The following CTNNA3 variants were observed in gnomAD, a reference collection of about 807,000 sequenced individuals.
The protein encoded by CTNNA3 is catenin alpha-3.
Under a neutral mutation model 95.7 loss-of-function variants are expected in CTNNA3, and 76 were observed. The observed-to-expected ratio is 0.79, with a 90% CI of 0.66 to 0.96. The LOEUF (loss-of-function observed/expected upper bound fraction) is 0.96. CTNNA3 is among the 40% of genes least tolerant of loss of function. The pLI, the probability that CTNNA3 is intolerant of heterozygous loss-of-function variation, is 0.00. For missense variants in CTNNA3, 1,191 were observed against 1,089.8 expected (o/e 1.09, Z -1.31); for synonymous variants, 431 against 374.4 (o/e 1.15, Z -1.74).
At chr10:66,589,161 A>G (rs994230010) in intron 10 of CTNNA3, among the ~76,000 whole-genome samples, 7 of 151,698 alleles carry the variant, frequency 4.6e-5, no homozygotes, top group Non-Finnish European at 1.0e-4. Flanking sequence ...GGTTTCCTTT[A>G]TAGTTATAAG....
At chr10:67,677,751 A>G (rs1167510499) in intron 1 of CTNNA3, among the ~76,000 whole-genome samples, 1 of 152,132 alleles carries the variant, frequency 6.6e-6, no homozygotes, top group Admixed American at 6.6e-5. Flanking sequence ...AGAATGACAT[A>G]TTGTACTCTG....
intron 5 of CTNNA3, among the ~76,000 whole-genome samples, chr10:67,346,879 C>G (rs918421615): frequency 2.0e-5 from 3 of 152,024 alleles, no homozygotes; most frequent in African/African-American, 7.2e-5. Context: ...GTGCCCTCAG[C>G]TTGAGACAGC....
At chr10:66,100,665 A>G (rs2081588167) in intron 14 of CTNNA3, among the ~76,000 whole-genome samples, 1 of 152,162 alleles carries the variant, frequency 6.6e-6, no homozygotes, top group African/African-American at 2.4e-5. Flanking sequence ...AATTCTTAAG[A>G]TTCAGAATCA....
intron 10 of CTNNA3, among the ~76,000 whole-genome samples, chr10:66,524,103 TC>T (rs1175869987): frequency 1.7e-5 from 1 of 60,550 alleles, no homozygotes; most frequent in African/African-American, 5.3e-5. Flanking sequence ...CCTTGCTCCA[TC>T]CCTTTTTCTG....
At chr10:66,404,469 T>C (rs138208152) in intron 11 of CTNNA3, among the ~76,000 whole-genome samples, 3,006 of 152,288 alleles carry the variant, frequency 0.02, 46 homozygotes, top group South Asian at 0.041. Context: ...TGAGATTCTA[T>C]TGTGTGCTGG....
At chr10:67,010,674 T>C (rs1003454300) in intron 7 of CTNNA3, among the ~76,000 whole-genome samples, 2 of 152,318 alleles carry the variant, frequency 1.3e-5, no homozygotes, top group Non-Finnish European at 2.9e-5. Flanking sequence ...CTAGGAATTT[T>C]CCAATGCTTT....
At chr10:66,425,460 A>T (rs12776592) in intron 11 of CTNNA3, among the ~76,000 whole-genome samples, 1 of 151,364 alleles carries the variant, frequency 6.6e-6, no homozygotes, top group African/African-American at 2.4e-5. Context: ...CCTTTTATTA[A>T]TTGTGTAACT....
In CTNNA3 at chr10:66,560,269, C is replaced by T. The variant is rs139549513; in HGVS notation, c.1375-39496G>A. On this transcript the variant is annotated intron_variant, in intron 10 of 17. Coordinates refer to ENST00000433211, the MANE Select transcript of CTNNA3 (RefSeq NM_013266.4). Reference sequence around the variant, plus strand: ...CAGGTTTTGAATTTGGAGATAGAAACGTGAGCGAATTTTATAACTTTTTGA... The same window carrying T: ...CAGGTTTTGAATTTGGAGATAGAAATGTGAGCGAATTTTATAACTTTTTGA... Among the ~76,000 whole-genome samples, 509 of 150,964 alleles carry T rather than the reference C, an allele frequency of 3.4e-3. 5 individuals are homozygous for T. Among genetic ancestry groups the T allele is most frequent in the Non-Finnish European group, 4.9e-3 (333 of 67,952 alleles).
At chr10:66,707,399 AT>A (rs113734614) in intron 9 of CTNNA3, among the ~76,000 whole-genome samples, 189 of 149,566 alleles carry the variant, frequency 1.3e-3, no homozygotes, top group African/African-American at 4.2e-3. Context: ...TTACATTTTA[AT>A]TTTTTTTTTG....
chr10:67,224,534 C>T (rs544019003), intron 5 of CTNNA3, among the ~76,000 whole-genome samples: 4 of 152,326 alleles, frequency 2.6e-5, no homozygotes, highest in African/African-American at 9.6e-5. Flanking sequence ...ACCACAAATA[C>T]TGTGAGTGCC....
intron 9 of CTNNA3, among the ~76,000 whole-genome samples, chr10:66,685,635 G>A (rs893833623): frequency 1.3e-5 from 2 of 151,400 alleles, no homozygotes; most frequent in African/African-American, 2.4e-5. Flanking sequence ...GCCTCCCAAA[G>A]TGCTGGGATT....
In CTNNA3 at chr10:67,576,820, T is replaced by G. The variant is rs534413111; in HGVS notation, c.292+30037A>C. On this transcript the variant is annotated intron_variant, in intron 3 of 17. Transcript: ENST00000433211. ...ACATGCGGTGTTTGGTTTTTTGTCC[T>G]TGCAATAGTTTGCTGAGAATGATAG... Among the ~76,000 whole-genome samples, 6 of 109,300 alleles carry G rather than the reference T, an allele frequency of 5.5e-5. 1 individual carries two copies. The East Asian group carries it at 2.7e-3, about 48-fold the overall frequency. 71.7% of individuals were successfully genotyped at this position (109,300 alleles called of 152,430 possible).
intron 12 of CTNNA3, 45 bp from the exon 13 acceptor site, chr10:66,280,666 T>C (rs2091477366): frequency 6.6e-7 from 1 of 1,506,226 alleles, no homozygotes; most frequent in African/African-American, 1.4e-5. Flanking sequence ...CTTTGTATTT[T>C]TGGATTTATA....
intron 15 of CTNNA3, among the ~76,000 whole-genome samples, chr10:66,019,387 C>T (rs1430276490): frequency 1.3e-5 from 2 of 152,006 alleles, no homozygotes; most frequent in East Asian, 3.9e-4. Context: ...TGTTGTCAAC[C>T]TATCTTTCGC....
At chr10:67,712,477 G>A (rs981798157) in intron 1 of CTNNA3, among the ~76,000 whole-genome samples, 2 of 152,218 alleles carry the variant, frequency 1.3e-5, no homozygotes, top group Non-Finnish European at 2.9e-5. Context: ...CTGGGCCCAG[G>A]GTCCCCGTGC....
intron 11 of CTNNA3, among the ~76,000 whole-genome samples, chr10:66,384,345 A>G (rs922962655): frequency 2.0e-5 from 3 of 152,208 alleles, no homozygotes; most frequent in Non-Finnish European, 4.4e-5. Flanking sequence ...CAAAAGAGAT[A>G]AAGAAGGCCA....
At chr10:66,529,411 C>T (rs1309379751) in intron 10 of CTNNA3, among the ~76,000 whole-genome samples, 3 of 148,856 alleles carry the variant, frequency 2.0e-5, no homozygotes, top group East Asian at 2.0e-4. Flanking sequence ...GGATTACAGG[C>T]GTGAGCCACC....
chr10:66,923,574 C>T (rs554871226), intron 7 of CTNNA3, among the ~76,000 whole-genome samples: 19 of 152,308 alleles, frequency 1.2e-4, no homozygotes, highest in African/African-American at 4.6e-4. Flanking sequence ...CAGTATTACC[C>T]TTCTGTGCTG....
chr10:66,270,503 G>T (rs2091257690), intron 13 of CTNNA3, among the ~76,000 whole-genome samples: 1 of 152,152 alleles, frequency 6.6e-6, no homozygotes. Context: ...ACTGTACCCA[G>T]ACAGACTTTG....
Sources: gnomAD v4.1 joint callset for allele counts (sites outside exome capture counted in the v4.1 genomes callset) on GRCh38, gnomAD v4.1.1 for gene constraint, MANE v1.5 for transcripts, NCBI Gene and HGNC (gene_info 2026-07-23, HGNC 2026-07-21) for gene names.